The following HSD17B2 variants were observed in gnomAD, a reference collection of about 807,000 sequenced individuals.
The protein encoded by HSD17B2 is hydroxysteroid 17-beta dehydrogenase 2.
HSD17B2 carries 32 observed loss-of-function variants against 26.9 expected under a neutral mutation model. The observed-to-expected ratio is 1.19, with a 90% CI of 0.90 to 1.60. HSD17B2 has a LOEUF of 1.60. Among genes scored for constraint, HSD17B2 ranks in the 40% most tolerant of loss-of-function variants. The probability of loss-of-function intolerance (pLI) is 0.00; values close to 1 mark genes in which losing one functional copy is unlikely to be tolerated. For missense variants in HSD17B2, 613 were observed against 468.6 expected (o/e 1.31, Z -2.85); for synonymous variants, 246 against 186.7 (o/e 1.32, Z -2.59).
chr16:82,049,564 C>T (rs547376880), intron 1 of HSD17B2, among the ~76,000 whole-genome samples: 9 of 152,314 alleles, frequency 5.9e-5, no homozygotes, highest in East Asian at 1.9e-4. Context: ...GTGAGCATTT[C>T]GGAAAGAAAG....
chr16:82,070,224 T>C (rs1914666964), intron 2 of HSD17B2, among the ~76,000 whole-genome samples: 1 of 152,184 alleles, frequency 6.6e-6, no homozygotes. Flanking sequence ...TAACCAGTCA[T>C]TCAAGCCAGC....
At chr16:82,048,022 G>T (rs1170572639) in intron 1 of HSD17B2, among the ~76,000 whole-genome samples, 1 of 152,228 alleles carries the variant, frequency 6.6e-6, no homozygotes, top group Non-Finnish European at 1.5e-5. Flanking sequence ...TTTGAGACAT[G>T]TTGAATTTGA....
At chr16:82,050,447 G>A (rs186125795) in intron 1 of HSD17B2, among the ~76,000 whole-genome samples, 68 of 152,052 alleles carry the variant, frequency 4.5e-4, no homozygotes, top group Admixed American at 3.7e-3. Flanking sequence ...CAAAGCTACC[G>A]TCATTTGTTC....
In HSD17B2 at chr16:82,090,929, C is replaced by A. The variant is rs908481845; in HGVS notation, c.692C>A (p.Ser231Tyr). The change falls in exon 4 of 5, where the codon TCT (serine) becomes TAT (tyrosine). Residue 231 changes from serine (S) to tyrosine (Y), a missense_variant. Ser to Tyr is a moderately radical substitution (Grantham distance 144). Coordinates refer to ENST00000199936, the MANE Select transcript of HSD17B2 (RefSeq NM_002153.3). Reference sequence around the variant, plus strand: ...GGGGCCCCAATGGAAAGGCTGGCATCTTATGGCTCATCAAAGGCGGCTGTG... The same window carrying A: ...GGGGCCCCAATGGAAAGGCTGGCATATTATGGCTCATCAAAGGCGGCTGTG... The part of the protein sequence containing the change: ...GGGAPMERLA[S>Y]YGSSKAAVTM... 6.2e-7 allele frequency: 1 copy of A among 1,613,834 alleles called. No individual in the cohort carries two copies. Among genetic ancestry groups the A allele is most frequent in the African/African-American group, 1.3e-5 (1 of 74,920 alleles).
In HSD17B2 at chr16:82,074,373, G is replaced by C. The variant is rs1262400418; in HGVS notation, c.664+3246G>C. On this transcript the variant is annotated intron_variant, in intron 3 of 4. Coordinates refer to ENST00000199936, the MANE Select transcript of HSD17B2 (RefSeq NM_002153.3). Reference sequence around the variant, plus strand: ...TTTGTAGGACTCAGAAACCACCCAAGGTACTTTATAAAGCTACTAAAACAG... The same window carrying C: ...TTTGTAGGACTCAGAAACCACCCAACGTACTTTATAAAGCTACTAAAACAG... 2.0e-5 allele frequency among the ~76,000 whole-genome samples: 3 copies of C among 152,054 alleles called. No individual in the cohort carries two copies. The East Asian group carries it at 5.8e-4, about 29-fold the overall frequency.
At chr16:82,086,499 A>G (rs1904530534) in intron 3 of HSD17B2, among the ~76,000 whole-genome samples, 2 of 152,210 alleles carry the variant, frequency 1.3e-5, no homozygotes, top group South Asian at 4.1e-4. Flanking sequence ...CAGAATAATC[A>G]ACAAAGTGAA....
chr16:82,059,661 G>A (rs1306425903), intron 1 of HSD17B2, among the ~76,000 whole-genome samples: 4 of 152,088 alleles, frequency 2.6e-5, no homozygotes, highest in Admixed American at 6.6e-5. Context: ...AATGAATGAG[G>A]GAACAAAAGA....
chr16:82,070,319 A>G (rs539243179), intron 2 of HSD17B2, among the ~76,000 whole-genome samples: 15 of 152,234 alleles, frequency 9.9e-5, no homozygotes, highest in Admixed American at 2.6e-4. Flanking sequence ...CCTCCTGGAT[A>G]GTTACCCTCC....
At chr16:82,078,532 A>G (rs987356568) in intron 3 of HSD17B2, among the ~76,000 whole-genome samples, 2 of 152,228 alleles carry the variant, frequency 1.3e-5, no homozygotes, top group Admixed American at 6.5e-5. Flanking sequence ...ACCCAAAAGA[A>G]GGGAAATCAG....
chr16:82,074,229 G>GT (rs1914761858), intron 3 of HSD17B2, among the ~76,000 whole-genome samples: 1 of 152,164 alleles, frequency 6.6e-6, no homozygotes, highest in African/African-American at 2.4e-5. Context: ...TCTTGGATTT[G>GT]TTTTTCCCCA....
chr16:82,079,544 G>A (rs947912971), intron 3 of HSD17B2, among the ~76,000 whole-genome samples: 1 of 152,116 alleles, frequency 6.6e-6, no homozygotes, highest in African/African-American at 2.4e-5. Flanking sequence ...ATCTTCAAAT[G>A]CAGTCACGTT....
rs141388845 is a variant in HSD17B2 at position 82,082,401 on chromosome 16, T to C, written c.665-8501T>C. ...CCTCTTCAATAGGTTTCTTTGCAGC[T>C]TTTTGAATATGCATATGAATATAAC... On this transcript the variant is annotated intron_variant, in intron 3 of 4. Coordinates refer to ENST00000199936, the MANE Select transcript of HSD17B2 (RefSeq NM_002153.3). Among the ~76,000 whole-genome samples the C allele has an allele frequency of 1.9e-3, 285 of 152,314 alleles. 1 individual carries two copies. The highest frequency in any genetic ancestry group is 6.4e-3 in the African/African-American group (268 of 41,568).
intron 2 of HSD17B2, among the ~76,000 whole-genome samples, chr16:82,069,157 G>A (rs936809083): frequency 2.0e-5 from 3 of 152,128 alleles, no homozygotes; most frequent in Non-Finnish European, 2.9e-5. Context: ...AAGTGAGAAC[G>A]TGTGGTGTTT....
Position 82,043,132 on chromosome 16 carries a change from C to A in HSD17B2, c.265+7443C>A, listed in dbSNP as rs571756629. ...CTTCTTATTCAGGCTATCACAGACT[C>A]CTTCAAGGAAGGATGAGGGGAGAAA... On this transcript the variant is annotated intron_variant, in intron 1 of 4. Transcript: ENST00000199936. 3.0e-4 allele frequency among the ~76,000 whole-genome samples: 45 copies of A among 152,308 alleles called. No homozygotes were observed. The South Asian group carries it at 8.9e-3, about 30-fold the overall frequency.
At chr16:82,073,731 G>C (rs1004219705) in intron 3 of HSD17B2, among the ~76,000 whole-genome samples, 1 of 152,124 alleles carries the variant, frequency 6.6e-6, no homozygotes, top group Admixed American at 6.5e-5. Flanking sequence ...AAAATCTCAT[G>C]TTCATGGATA....
intron 1 of HSD17B2, among the ~76,000 whole-genome samples, chr16:82,066,748 C>T (rs181435616): frequency 6.6e-6 from 1 of 152,008 alleles, no homozygotes; most frequent in African/African-American, 2.4e-5. Context: ...TATTATTATA[C>T]TGCAAATTAT....
At chr16:82,058,368 G>C (rs1914335850) in intron 1 of HSD17B2, among the ~76,000 whole-genome samples, 1 of 152,152 alleles carries the variant, frequency 6.6e-6, no homozygotes, top group African/African-American at 2.4e-5. Flanking sequence ...ACCGCACCCA[G>C]CCATAAGATG....
intron 3 of HSD17B2, among the ~76,000 whole-genome samples, chr16:82,081,340 C>A (rs550111173): frequency 6.6e-6 from 1 of 152,124 alleles, no homozygotes; most frequent in Non-Finnish European, 1.5e-5. Flanking sequence ...CCTCTTCAAC[C>A]TTTCCTCCTT....
intron 1 of HSD17B2, among the ~76,000 whole-genome samples, chr16:82,054,892 A>G (rs1432040319): frequency 6.6e-6 from 1 of 152,164 alleles, no homozygotes; most frequent in Non-Finnish European, 1.5e-5. Context: ...CTCTCGTCAC[A>G]TTTTACAATA....
Sources: allele counts gnomAD v4.1 joint callset (sites outside exome capture counted in the v4.1 genomes callset), GRCh38; gene constraint gnomAD v4.1.1; transcripts MANE v1.5; gene names NCBI Gene and HGNC (gene_info 2026-07-23, HGNC 2026-07-21).